The following FMN1 variants were observed in gnomAD, a reference collection of about 807,000 sequenced individuals.
FMN1 encodes formin 1, also known as formin-1.
FMN1 carries 110 observed loss-of-function variants against 132.4 expected under a neutral mutation model. The ratio of observed to expected loss-of-function variants is 0.83; its 90% CI spans 0.71 to 0.97. The LOEUF (loss-of-function observed/expected upper bound fraction) is 0.97, where lower values mean the gene tolerates loss of function less well. Among genes scored for constraint, FMN1 ranks in the 50% least tolerant of loss-of-function variants. FMN1 has a pLI of 0.00. For synonymous variants in FMN1, 722 were observed against 651.7 expected (o/e 1.11, Z -1.64); for missense variants, 1,792 against 1,705.3 (o/e 1.05, Z -0.90).
intron 5 of FMN1, chr15:33,067,752 A>C (rs1243309880): frequency 6.8e-6 from 11 of 1,613,980 alleles, no homozygotes; most frequent in Non-Finnish European, 9.3e-6. Flanking sequence ...ACAGATTCTA[A>C]TTTACTCGTA....
chr15:32,969,523 A>T, intron 7 of FMN1, 46 bp from the exon 8 acceptor site: 1 of 1,580,556 alleles, frequency 6.3e-7, no homozygotes, highest in Non-Finnish European at 8.6e-7. Flanking sequence ...TTTATTAAGA[A>T]CAAACTTAAG....
At position 33,188,973 on chromosome 15, in the gene FMN1, G is replaced by C. The variant is rs193112941; in HGVS notation, c.-197+4936C>G. ...TTGGGCATAAGAGTTACTGTTGCTTGCTGCTTGAAAAAACTTTAAGGTTTT... is the reference window on the plus strand; with the variant it reads ...TTGGGCATAAGAGTTACTGTTGCTTCCTGCTTGAAAAAACTTTAAGGTTTT... On this transcript the variant is annotated intron_variant, in intron 2 of 20. Coordinates refer to ENST00000616417, the MANE Select transcript of FMN1 (RefSeq NM_001277313.2). Among the ~76,000 whole-genome samples, 4 of 152,194 alleles carry C rather than the reference G, an allele frequency of 2.6e-5. No individual in the cohort carries two copies. The East Asian group carries it at 7.7e-4, about 29-fold the overall frequency.
intron 12 of FMN1, chr15:32,908,179 T>TC: frequency 4.1e-6 from 1 of 244,398 alleles, no homozygotes; most frequent in Non-Finnish European, 8.0e-6. Flanking sequence ...AACAATGCCT[T>TC]CTTCCTTCCT....
chr15:32,990,988 T>A (rs1266463267), intron 7 of FMN1, among the ~76,000 whole-genome samples: 1 of 152,094 alleles, frequency 6.6e-6, no homozygotes, highest in African/African-American at 2.4e-5. Flanking sequence ...AATTCGAGAT[T>A]TGGGCGGGGA....
At chr15:32,830,774 G>A (rs186168996) in intron 17 of FMN1, among the ~76,000 whole-genome samples, 253 of 152,240 alleles carry the variant, frequency 1.7e-3, no homozygotes, top group Middle Eastern at 3.4e-3. Context: ...CCGAGGAGAC[G>A]TCATCATGTG....
intron 9 of FMN1, among the ~76,000 whole-genome samples, chr15:32,945,509 T>C (rs941969140): frequency 5.9e-5 from 9 of 152,228 alleles, no homozygotes; most frequent in African/African-American, 1.9e-4. Flanking sequence ...CACACACGTA[T>C]ATCTTTGGTG....
At chr15:33,136,450 A>T (rs779871638) in intron 4 of FMN1, among the ~76,000 whole-genome samples, 11 of 152,246 alleles carry the variant, frequency 7.2e-5, no homozygotes, top group Non-Finnish European at 1.3e-4. Context: ...AAGAGCTTCA[A>T]ATAGGACTAT....
intron 17 of FMN1, among the ~76,000 whole-genome samples, chr15:32,818,916 G>A (rs1429691110): frequency 6.7e-6 from 1 of 148,478 alleles, no homozygotes; most frequent in Non-Finnish European, 1.5e-5. Context: ...GCACGAAGCT[G>A]ATTTCAGAAA....
intron 6 of FMN1, among the ~76,000 whole-genome samples, chr15:33,025,840 A>G (rs768060639): frequency 2.0e-5 from 3 of 152,214 alleles, no homozygotes; most frequent in Non-Finnish European, 2.9e-5. Context: ...CAGATTCAGA[A>G]TATCTTTCAA....
In FMN1 at chr15:32,893,393, C is replaced by T. The variant is rs114921221; in HGVS notation, c.3715-5101G>A. Among the ~76,000 whole-genome samples, 382 of 145,136 alleles carry T rather than the reference C, an allele frequency of 2.6e-3. 1 individual carries two copies. The highest frequency in any genetic ancestry group is 0.01 in the African/African-American group (361 of 34,788). On this transcript the variant is annotated intron_variant, in intron 15 of 20. Transcript: ENST00000616417. ...GCGTGTGTGTGTGTGCGCGCTCGTG[C>T]GCGCGCTAGAAAAAAGGAAATGTTG...
intron 17 of FMN1, among the ~76,000 whole-genome samples, chr15:32,848,780 A>G (rs969749142): frequency 8.5e-5 from 13 of 152,210 alleles, no homozygotes; most frequent in African/African-American, 2.9e-4. Flanking sequence ...ACCCAAATTT[A>G]TAACAAATCT....
chr15:32,848,305 C>T (rs184682038), intron 17 of FMN1, among the ~76,000 whole-genome samples: 3 of 151,710 alleles, frequency 2.0e-5, no homozygotes, highest in Admixed American at 1.3e-4. Flanking sequence ...GGAGAAAGAA[C>T]GGAGGGGTTC....
chr15:32,778,165 T>C (rs1376293815), intron 19 of FMN1, among the ~76,000 whole-genome samples: 1 of 112,002 alleles, frequency 8.9e-6, no homozygotes, highest in Non-Finnish European at 1.7e-5. Context: ...TTATTATATA[T>C]TATATAATAC....
chr15:32,993,941 C>G (rs343934), intron 7 of FMN1, among the ~76,000 whole-genome samples: 118,960 of 148,166 alleles, frequency 0.8, 48,002 homozygotes, highest in East Asian at 0.97. Context: ...ATGCAAATCT[C>G]CTCATGTCAC....
At chr15:32,781,026 T>C (rs2056645409) in intron 19 of FMN1, among the ~76,000 whole-genome samples, 1 of 152,204 alleles carries the variant, frequency 6.6e-6, no homozygotes, top group Non-Finnish European at 1.5e-5. Flanking sequence ...CTGGCAATAA[T>C]ATGCCAAGTA....
chr15:32,966,484 G>A (rs1596360911), intron 8 of FMN1, among the ~76,000 whole-genome samples: 2 of 152,170 alleles, frequency 1.3e-5, no homozygotes, highest in Non-Finnish European at 1.5e-5. Context: ...GGAAGGCAGG[G>A]GGAGAGAGAG....
rs373185751 is a variant in FMN1, at chr15:32,823,152, G to GTTTTTTTTT, written c.3929-18829_3929-18821dup. ...GTCTCAAAGACAGAGAGTTTCTACT[G>GTTTTTTTTT]TTTTTTTTTTTTTTTTTTTTTTTTT... On this transcript the variant is annotated intron_variant, in intron 17 of 20. Coordinates refer to ENST00000616417, the MANE Select transcript of FMN1 (RefSeq NM_001277313.2). Among the ~76,000 whole-genome samples, 64 of 86,218 alleles carry GTTTTTTTTT rather than the reference G, an allele frequency of 7.4e-4. 10 individuals carry two copies. The highest frequency in any genetic ancestry group is 3.1e-3 in the African/African-American group (59 of 18,742). 56.6% of individuals were successfully genotyped at this position (86,218 alleles called of 152,430 possible). A position where few individuals can be genotyped will look rare whatever the true frequency, so the allele number is the denominator to read the frequency against.
chr15:32,963,074 C>G (rs1376694850), intron 9 of FMN1, among the ~76,000 whole-genome samples: 1 of 147,516 alleles, frequency 6.8e-6, no homozygotes, highest in Non-Finnish European at 1.5e-5. Flanking sequence ...TTCACAATAG[C>G]AAAGACTTGG....
chr15:32,895,743 T>C (rs574947775), intron 15 of FMN1, among the ~76,000 whole-genome samples: 1 of 107,638 alleles, frequency 9.3e-6, no homozygotes, highest in African/African-American at 5.0e-5. Context: ...GGAAGAAAGT[T>C]TTTTTTCTTG....
Sources: gnomAD v4.1 joint callset for allele counts (sites outside exome capture counted in the v4.1 genomes callset) on GRCh38, gnomAD v4.1.1 for gene constraint, MANE v1.5 for transcripts, NCBI Gene and HGNC (gene_info 2026-07-23, HGNC 2026-07-21) for gene names.